Variants in UNKL observed in about 807,000 individuals in gnomAD.
UNKL encodes the protein putative E3 ubiquitin-protein ligase UNKL.
UNKL carries 60 observed loss-of-function variants against 78.0 expected under a neutral mutation model. That is an observed-to-expected ratio of 0.77 (90% CI 0.63 to 0.95). UNKL has a LOEUF of 0.95. UNKL is among the 40% of genes least tolerant of loss of function. The probability of loss-of-function intolerance (pLI) is 0.00; values close to 1 mark genes in which losing one functional copy is unlikely to be tolerated. For synonymous variants in UNKL, 608 were observed against 474.8 expected, an observed-to-expected ratio of 1.28 and a Z score of -3.65; for missense variants, 1,159 against 1,045.7, an observed-to-expected ratio of 1.11 and a Z score of -1.49.
intron 4 of UNKL, among the ~76,000 whole-genome samples, chr16:1,400,622 C>T (rs950130794): frequency 1.3e-5 from 2 of 151,982 alleles, no homozygotes; most frequent in African/African-American, 2.4e-5. Flanking sequence ...AGCTGCACAA[C>T]ACTGCAGACG....
rs1445458709 is a variant in UNKL at position 1,364,303 on chromosome 16, G to C, written c.*1937C>G. 6.6e-6 allele frequency: 1 copy of C among 152,222 alleles called. No individual in the cohort carries two copies. Among genetic ancestry groups the C allele is most frequent in the Non-Finnish European group, 1.5e-5 (1 of 68,036 alleles). 9.4% of individuals were successfully genotyped at this position (152,222 alleles called of 1,614,324 possible). A position where few individuals can be genotyped will look rare whatever the true frequency, so the allele number is the denominator to read the frequency against. On this transcript the variant is annotated 3_prime_UTR_variant, in exon 15 of 15. Coordinates refer to ENST00000389221, the MANE Select transcript of UNKL (RefSeq NM_001372107.1). ...TATCAGTTTGTCTTACGTTAAAACA[G>C]TTCTTAAACCACCTACTATATTAAA...
At chr16:1,398,421 C>A (rs2037369766) in intron 5 of UNKL, 3 of 1,039,010 alleles carry the variant, frequency 2.9e-6, no homozygotes, top group South Asian at 7.3e-5. Context: ...ATCTCAGACA[C>A]TAATTTGTGG....
intron 12 of UNKL, among the ~76,000 whole-genome samples, chr16:1,369,410 C>T (rs1300769927): frequency 6.7e-6 from 1 of 149,220 alleles, no homozygotes; most frequent in Non-Finnish European, 1.5e-5. Flanking sequence ...ACTCTTGTTG[C>T]CCAGGCTGGA....
intron 11 of UNKL, among the ~76,000 whole-genome samples, chr16:1,370,964 T>C (rs1456541077): frequency 6.6e-6 from 1 of 151,020 alleles, no homozygotes; most frequent in East Asian, 2.0e-4. Context: ...GCACCTGTAG[T>C]CCCAGCTACT....
At position 1,402,288 on chromosome 16, in the gene UNKL, A is replaced by G. The variant is rs368896877; in HGVS notation, c.465-587T>C. ...CTCCTGGAAAGCAGCAGTGCCTCACAGCCTCAACCCCAGTGAGCTGCCCTC... is the reference window on the plus strand; with the variant it reads ...CTCCTGGAAAGCAGCAGTGCCTCACGGCCTCAACCCCAGTGAGCTGCCCTC... On this transcript the variant is annotated intron_variant, in intron 3 of 14. Coordinates refer to ENST00000389221, the MANE Select transcript of UNKL (RefSeq NM_001372107.1). Among the ~76,000 whole-genome samples the G allele has an allele frequency of 3.3e-3, 479 of 144,856 alleles. 10 individuals carry two copies. Among genetic ancestry groups the G allele is most frequent in the African/African-American group, 0.012 (443 of 36,516 alleles).
intron 10 of UNKL, among the ~76,000 whole-genome samples, chr16:1,378,735 G>C (rs1283960491): frequency 6.6e-6 from 1 of 152,128 alleles, no homozygotes; most frequent in African/African-American, 2.4e-5. Flanking sequence ...GCCCCCGAGA[G>C]ACTCCGGCCC....
intron 10 of UNKL, among the ~76,000 whole-genome samples, chr16:1,382,567 C>T (rs879860947): frequency 9.2e-5 from 14 of 152,148 alleles, no homozygotes; most frequent in Admixed American, 2.6e-4. Context: ...GAGGGTTCTC[C>T]GGCAGGTGCA....
intron 2 of UNKL, among the ~76,000 whole-genome samples, chr16:1,410,853 C>G (rs1596781866): frequency 6.6e-6 from 1 of 152,198 alleles, no homozygotes; most frequent in African/African-American, 2.4e-5. Context: ...CAATTATGCA[C>G]TTTCAGAACC....
intron 8 of UNKL, 34 bp from the exon 9 acceptor site, chr16:1,390,728 G>A (rs2037012835): frequency 1.3e-6 from 2 of 1,534,788 alleles, no homozygotes; most frequent in East Asian, 2.4e-5. Context: ...TGTGGAAAAA[G>A]CAGGGAGGAA....
At chr16:1,367,469 C>T (rs1398538090) in intron 13 of UNKL, 120 bp from the exon 14 acceptor site, 24 of 1,315,910 alleles carry the variant, frequency 1.8e-5, no homozygotes, top group Non-Finnish European at 2.3e-5. Flanking sequence ...GCCCCCTCAC[C>T]TGAGACCCCT....
At position 1,399,381 on chromosome 16, in the gene UNKL, G is replaced by T; in HGVS notation, c.727C>A (p.Gln243Lys). ...ACGGTCCCGCAGGCTCACCTGTACT[G>T]GAACCGCCGGGGGTTGCGCCGCCTG... Reference protein sequence around the residue: ...RDRRRNPRRFQYRSTPCPSVK... With the variant: ...RDRRRNPRRFKYRSTPCPSVK... Residue 243 changes from glutamine to lysine, a missense_variant, in exon 5 of 15, where the codon CAG (glutamine) becomes AAG (lysine). Coordinates refer to ENST00000389221, the MANE Select transcript of UNKL (RefSeq NM_001372107.1). This position sits in a 1 kb window ranked among gnomAD's most constrained non-coding sequence, Gnocchi z 5.8. 1 of 1,595,582 alleles carries T rather than the reference G, an allele frequency of 6.3e-7. No individual in the cohort carries two copies.
chr16:1,395,760 C>G (rs1485651709), intron 6 of UNKL: 3 of 456,546 alleles, frequency 6.6e-6, no homozygotes, highest in Non-Finnish European at 1.3e-5. Context: ...TGCAACCAGG[C>G]CTGCGTGACT....
chr16:1,367,878 T>C lies in UNKL; in HGVS notation c.1586-20A>G. 2 of 1,541,822 alleles carry C rather than the reference T, an allele frequency of 1.3e-6. No individual in the cohort carries two copies. The highest frequency in any genetic ancestry group is 1.8e-6 in the Non-Finnish European group (2 of 1,142,048). ...TCAAACCTGAGTGTGAAACGGTCGA[T>C]GACGGCCCAGCCCTGCTGTGCTCGC... is the stretch of plus-strand genomic sequence containing the variant. On this transcript the variant is annotated intron_variant, in intron 12 of 14. Transcript: ENST00000389221.
chr16:1,414,696 A>C lies in UNKL; in HGVS notation c.-5T>G, dbSNP rs369989646. The C allele has an allele frequency of 7.9e-6, 9 of 1,135,382 alleles. No individual in the cohort carries two copies. Among genetic ancestry groups the C allele is most frequent in the Non-Finnish European group, 8.7e-6 (8 of 915,370 alleles). The allele number at this position is 1,135,382 out of a possible 1,614,324, so 70.3% of individuals were successfully genotyped here. On this transcript the variant is annotated 5_prime_UTR_variant, in exon 1 of 15. Coordinates refer to ENST00000389221, the MANE Select transcript of UNKL (RefSeq NM_001372107.1). ...CGCTTTCGAAACCGACGGCATTTTCAGTCAAAACAATGCAGCGCGCATGCG... is the reference window on the plus strand; with the variant it reads ...CGCTTTCGAAACCGACGGCATTTTCCGTCAAAACAATGCAGCGCGCATGCG...
intron 2 of UNKL, among the ~76,000 whole-genome samples, chr16:1,412,955 G>A (rs376979266): frequency 6.6e-6 from 1 of 152,044 alleles, no homozygotes; most frequent in East Asian, 1.9e-4. Context: ...TGTCAAATCA[G>A]AGTGGGAAAC....
In UNKL at chr16:1,414,661, C is replaced by T. The variant is rs926690705; in HGVS notation, c.31G>A (p.Ala11Thr). ...GTCTGCGGGGGGGACCCGCTCAGCG[C>T]CGCTGCCGCCGCTTTCGAAACCGAC... MPSVSKAAAA[A>T]LSGSPPQTEK... The change falls in exon 1 of 15, where the codon GCG becomes ACG. Residue 11 changes from alanine to threonine, a missense_variant. Ala to Thr is a moderately conservative substitution (Grantham distance 58, BLOSUM62 0). Transcript: ENST00000389221. 1.1e-5 allele frequency: 13 copies of T among 1,149,090 alleles called. No individual in the cohort carries two copies. Among genetic ancestry groups the T allele is most frequent in the Non-Finnish European group, 1.4e-5 (13 of 922,998 alleles). The allele number at this position is 1,149,090 out of a possible 1,614,324, so 71.2% of individuals were successfully genotyped here.
chr16:1,414,273 C>A (rs955062912), intron 1 of UNKL, among the ~76,000 whole-genome samples: 21 of 152,038 alleles, frequency 1.4e-4, no homozygotes, highest in Non-Finnish European at 2.1e-4. Flanking sequence ...GTCCCCAAGC[C>A]CAAGCGCCAC....
chr16:1,385,391 C>A lies in UNKL; in HGVS notation c.1087-6G>T. ...GCAAACACGGCCAGGTGGTTCTGTT[C>A]AAAGACATAAACACCGTGAGCGCGC... On this transcript the variant is annotated splice_polypyrimidine_tract_variant and splice_region_variant and intron_variant, in intron 9 of 14. Coordinates refer to ENST00000389221, the MANE Select transcript of UNKL (RefSeq NM_001372107.1). 7.3e-7 allele frequency: 1 copy of A among 1,372,088 alleles called. No individual in the cohort carries two copies. The allele number at this position is 1,372,088 out of a possible 1,614,324, so 85.0% of individuals were successfully genotyped here. A position where few individuals can be genotyped will look rare whatever the true frequency, so the allele number is the denominator to read the frequency against.
At position 1,399,188 on chromosome 16, in the gene UNKL, G is replaced by A; in HGVS notation, c.734+186C>T. 1 of 1,185,116 alleles carries A rather than the reference G, an allele frequency of 8.4e-7. No individual in the cohort carries two copies. The highest frequency in any genetic ancestry group is 1.1e-6 in the Non-Finnish European group (1 of 874,974). The allele number at this position is 1,185,116 out of a possible 1,614,324, so 73.4% of individuals were successfully genotyped here. On this transcript the variant is annotated intron_variant, in intron 5 of 14. Coordinates refer to ENST00000389221, the MANE Select transcript of UNKL (RefSeq NM_001372107.1). This position sits in a 1 kb window ranked among gnomAD's most constrained non-coding sequence, Gnocchi z 5.8. Reference sequence around the variant, plus strand: ...CGTAGGTGGGGAGGCCCATCCCCAGGACAGACGCGTGGGCCTCCATGGCAC... The same window carrying A: ...CGTAGGTGGGGAGGCCCATCCCCAGAACAGACGCGTGGGCCTCCATGGCAC...
Sources: allele counts gnomAD v4.1 joint callset (sites outside exome capture counted in the v4.1 genomes callset), GRCh38; gene constraint gnomAD v4.1.1; non-coding constraint Gnocchi (gnomAD v3.1); transcripts MANE v1.5; gene names NCBI Gene and HGNC (gene_info 2026-07-23, HGNC 2026-07-21).